The following NELL1 variants were observed in gnomAD, a reference collection of about 807,000 sequenced individuals.
NELL1 encodes the protein neural EGFL like 1, also known as protein kinase C-binding protein NELL1.
Under a neutral mutation model 107.4 loss-of-function variants are expected in NELL1, and 76 were observed. The observed-to-expected ratio is 0.71, with a 90% confidence interval of 0.59 to 0.86. The LOEUF (loss-of-function observed/expected upper bound fraction) is 0.86. Ranked by LOEUF, NELL1 falls within the 40% of genes least tolerant of loss-of-function variation. The pLI, the probability that NELL1 is intolerant of heterozygous loss-of-function variation, is 0.00. For missense variants in NELL1, 1,024 were observed against 1,005.5 expected (o/e 1.02, Z -0.25); for synonymous variants, 353 against 341.2 (o/e 1.03, Z -0.38).
chr11:20,962,669 A>G (rs974404051), intron 12 of NELL1, among the ~76,000 whole-genome samples: 3 of 152,206 alleles, frequency 2.0e-5, no homozygotes, highest in African/African-American at 4.8e-5. Flanking sequence ...ATCTTTCTCT[A>G]TGAGGCCTTA....
At chr11:21,071,335 A>G (rs4617579) in intron 12 of NELL1, among the ~76,000 whole-genome samples, 36,978 of 152,094 alleles carry the variant, frequency 0.24, 4,797 homozygotes, top group South Asian at 0.32. Context: ...AATATTACAA[A>G]AGAAAATTAA....
intron 14 of NELL1, among the ~76,000 whole-genome samples, chr11:21,291,796 C>T (rs1257453496): frequency 6.6e-6 from 1 of 152,158 alleles, no homozygotes; most frequent in East Asian, 1.9e-4. Flanking sequence ...AAACGTAACC[C>T]ATCAGATAAA....
chr11:21,485,408 C>T (rs1222120883), intron 15 of NELL1, among the ~76,000 whole-genome samples: 1 of 152,158 alleles, frequency 6.6e-6, no homozygotes, highest in Non-Finnish European at 1.5e-5. Flanking sequence ...CCCCCATCCT[C>T]CTCAGTGGCA....
At chr11:21,052,642 G>C (rs1233136831) in intron 12 of NELL1, among the ~76,000 whole-genome samples, 1 of 152,108 alleles carries the variant, frequency 6.6e-6, no homozygotes. Flanking sequence ...GGTTATATTT[G>C]GGACTCTGGA....
intron 2 of NELL1, among the ~76,000 whole-genome samples, chr11:20,749,523 C>A (rs929879691): frequency 6.6e-6 from 1 of 152,004 alleles, no homozygotes; most frequent in African/African-American, 2.4e-5. Context: ...AATGCTTGAG[C>A]CTAGGAGGTT....
At chr11:20,857,820 G>A (rs190435057) in intron 4 of NELL1, among the ~76,000 whole-genome samples, 4 of 152,312 alleles carry the variant, frequency 2.6e-5, no homozygotes, top group East Asian at 3.9e-4. Flanking sequence ...CCATTTAAAC[G>A]TGATGTGCAT....
intron 14 of NELL1, among the ~76,000 whole-genome samples, chr11:21,261,126 G>A (rs989081374): frequency 1.3e-5 from 2 of 151,300 alleles, no homozygotes; most frequent in African/African-American, 2.4e-5. Flanking sequence ...CTGGTTCCTC[G>A]ACATTTTTAA....
At chr11:20,765,582 T>C (rs77765299) in intron 2 of NELL1, among the ~76,000 whole-genome samples, 185 of 152,190 alleles carry the variant, frequency 1.2e-3, no homozygotes, top group African/African-American at 4.2e-3. Flanking sequence ...TAACCAGGTA[T>C]GGAGTGGGCG....
intron 12 of NELL1, among the ~76,000 whole-genome samples, chr11:21,112,040 C>T (rs1359970820): frequency 6.6e-6 from 1 of 151,346 alleles, no homozygotes; most frequent in Non-Finnish European, 1.5e-5. Context: ...AGTGGTCTGA[C>T]TGTAATAATT....
chr11:21,451,199 A>G (rs897539508), intron 15 of NELL1, among the ~76,000 whole-genome samples: 5 of 140,506 alleles, frequency 3.6e-5, no homozygotes, highest in South Asian at 2.1e-4. Context: ...AAAAAAAAAA[A>G]AAAGAAAAAA....
chr11:20,879,269 C>T (rs1041019834), intron 4 of NELL1, among the ~76,000 whole-genome samples: 1 of 151,990 alleles, frequency 6.6e-6, no homozygotes, highest in Non-Finnish European at 1.5e-5. Flanking sequence ...CTGAGGAATG[C>T]GTCTGAATGG....
intron 5 of NELL1, among the ~76,000 whole-genome samples, chr11:20,892,286 A>G (rs1304499111): frequency 6.6e-6 from 1 of 152,232 alleles, no homozygotes; most frequent in Non-Finnish European, 1.5e-5. Flanking sequence ...AATGAAATTA[A>G]GGCAGAAATC....
chr11:21,487,875 T>C (rs770383726), intron 15 of NELL1, among the ~76,000 whole-genome samples: 4 of 150,920 alleles, frequency 2.7e-5, no homozygotes, highest in African/African-American at 7.3e-5. Context: ...CCGGGAGGAG[T>C]AGCTATACTT....
rs1320954183 is a variant in NELL1 at position 20,768,492 on chromosome 11, C to T, written c.185-15188C>T. Among the ~76,000 whole-genome samples, 8 of 152,274 alleles carry T rather than the reference C, an allele frequency of 5.3e-5. No homozygotes were observed. In the East Asian group the frequency reaches 1.5e-3, roughly 29 times the overall value. The stretch of plus-strand genomic sequence containing the variant: ...AGTGTGGAGAGCTGGATAATGCTGC[C>T]CTCCTTCCCAGTGATGGCCACATTC... On this transcript the variant is annotated intron_variant, in intron 2 of 19. Coordinates refer to ENST00000357134, the MANE Select transcript of NELL1 (RefSeq NM_006157.5).
At chr11:21,317,099 A>G (rs1450786275) in intron 14 of NELL1, among the ~76,000 whole-genome samples, 2 of 152,170 alleles carry the variant, frequency 1.3e-5, no homozygotes, top group Non-Finnish European at 2.9e-5. Flanking sequence ...AATCATAATA[A>G]TTAACACATA....
At chr11:20,797,811 G>C (rs911175629) in intron 3 of NELL1, among the ~76,000 whole-genome samples, 2 of 152,130 alleles carry the variant, frequency 1.3e-5, no homozygotes, top group African/African-American at 4.8e-5. Flanking sequence ...GAGTGGGGTG[G>C]TGAATAGCTT....
chr11:20,759,846 A>C (rs1159564464), intron 2 of NELL1, among the ~76,000 whole-genome samples: 1 of 152,222 alleles, frequency 6.6e-6, no homozygotes, highest in Non-Finnish European at 1.5e-5. Context: ...TCCTGGGTCC[A>C]GAAGGACTCT....
chr11:21,118,397 C>T (rs1855286178), intron 13 of NELL1, among the ~76,000 whole-genome samples: 1 of 151,992 alleles, frequency 6.6e-6, no homozygotes, highest in Admixed American at 6.6e-5. Context: ...GGAATGCTGA[C>T]ATTTATTTTG....
intron 3 of NELL1, among the ~76,000 whole-genome samples, chr11:20,820,055 G>A (rs1266228400): frequency 1.3e-5 from 2 of 152,164 alleles, no homozygotes; most frequent in Non-Finnish European, 2.9e-5. Flanking sequence ...CCCTATATCA[G>A]TTTTGAAGGC....
Sources: allele counts gnomAD v4.1 joint callset (sites outside exome capture counted in the v4.1 genomes callset), GRCh38; gene constraint gnomAD v4.1.1; transcripts MANE v1.5; gene names NCBI Gene and HGNC (gene_info 2026-07-23, HGNC 2026-07-21).